DLGAP2: variants seen among roughly 807,000 people sequenced by gnomAD.
The protein encoded by DLGAP2 is DLG associated protein 2.
A neutral mutation model predicts 100.3 loss-of-function variants in DLGAP2; 26 were observed. That is an observed-to-expected ratio of 0.26 (90% confidence interval 0.19 to 0.36). The LOEUF is 0.36. Among genes scored for constraint, DLGAP2 ranks in the 10% least tolerant of loss-of-function variants. The pLI is 1.00. For synonymous variants in DLGAP2, 886 were observed against 630.1 expected (o/e 1.41, Z -6.08); for missense variants, 1,858 against 1,453.2 (o/e 1.28, Z -4.53).
intron 2 of DLGAP2, among the ~76,000 whole-genome samples, chr8:1,111,130 C>A (rs999335207): frequency 6.6e-6 from 1 of 152,202 alleles, no homozygotes; most frequent in Admixed American, 6.5e-5. Flanking sequence ...CCCAGAACAT[C>A]ACTGATGGCA....
chr8:1,500,869 A>G (rs1207625324), intron 3 of DLGAP2, among the ~76,000 whole-genome samples: 1 of 152,252 alleles, frequency 6.6e-6, no homozygotes, highest in African/African-American at 2.4e-5. Flanking sequence ...AACTAATATT[A>G]AGCACTAAGA....
intron 6 of DLGAP2, chr8:1,604,774 ATATT>A (rs1335647157): frequency 6.6e-6 from 1 of 152,212 alleles, no homozygotes; most frequent in Non-Finnish European, 1.5e-5. Flanking sequence ...ACAGTCAAAA[ATATT>A]TATAAAGAAA....
At chr8:1,095,466 C>T (rs1239212198) in intron 2 of DLGAP2, among the ~76,000 whole-genome samples, 6 of 152,154 alleles carry the variant, frequency 3.9e-5, no homozygotes, top group African/African-American at 1.4e-4. Flanking sequence ...TGGCGGTGAG[C>T]ACAGGGGTTT....
At chr8:963,962 C>T (rs1157373299) in intron 2 of DLGAP2, among the ~76,000 whole-genome samples, 1 of 152,126 alleles carries the variant, frequency 6.6e-6, no homozygotes, top group East Asian at 1.9e-4. Flanking sequence ...CTAGAGATCA[C>T]TTATTAAAAT....
chr8:833,050 C>T (rs1350509100), intron 1 of DLGAP2, among the ~76,000 whole-genome samples: 1 of 152,234 alleles, frequency 6.6e-6, no homozygotes, highest in Non-Finnish European at 1.5e-5. Flanking sequence ...ACAAGCACTA[C>T]ATCCTCCCAT....
At chr8:1,107,594 A>G (rs895763641) in intron 2 of DLGAP2, among the ~76,000 whole-genome samples, 2 of 152,228 alleles carry the variant, frequency 1.3e-5, no homozygotes. Context: ...GAGGCAGCTG[A>G]CTATCGAGAA....
chr8:1,343,382 C>G (rs556965951), intron 3 of DLGAP2, among the ~76,000 whole-genome samples: 7 of 152,168 alleles, frequency 4.6e-5, no homozygotes, highest in African/African-American at 7.2e-5. Flanking sequence ...CCGGAGTTGC[C>G]CACGAGCCTG....
At chr8:920,463 T>C (rs1798684615) in intron 2 of DLGAP2, among the ~76,000 whole-genome samples, 1 of 152,216 alleles carries the variant, frequency 6.6e-6, no homozygotes. Context: ...TAAGCAAATC[T>C]AAAAACAATT....
chr8:762,918 TC>T (rs757181559), intron 1 of DLGAP2, among the ~76,000 whole-genome samples: 1 of 152,150 alleles, frequency 6.6e-6, no homozygotes, highest in Non-Finnish European at 1.5e-5. Flanking sequence ...GCTCAAGCAG[TC>T]ACTCACCTCG....
chr8:1,005,437 C>G (rs1244256682), intron 2 of DLGAP2, among the ~76,000 whole-genome samples: 2 of 126,850 alleles, frequency 1.6e-5, no homozygotes, highest in African/African-American at 3.0e-5. Flanking sequence ...GAGATGGGGT[C>G]TTGCTCTGTC....
Position 1,701,527 on chromosome 8 carries a change from C to A in DLGAP2, c.*121C>A. On this transcript the variant is annotated 3_prime_UTR_variant, in exon 15 of 15. Transcript: ENST00000637795. Reference sequence around the variant, plus strand: ...TGAACACGTCCTCGCTCCCGCGCTCCCCGCGCCCCGGACACAGCGGGACGC... The same window carrying A: ...TGAACACGTCCTCGCTCCCGCGCTCACCGCGCCCCGGACACAGCGGGACGC... The A allele has an allele frequency of 9.0e-7, 1 of 1,115,486 alleles. No individual in the cohort carries two copies. The highest frequency in any genetic ancestry group is 1.2e-6 in the Non-Finnish European group (1 of 806,862). 69.1% of individuals were successfully genotyped at this position (1,115,486 alleles called of 1,614,324 possible).
At chr8:1,032,763 G>A (rs993902588) in intron 2 of DLGAP2, 1 of 152,222 alleles carries the variant, frequency 6.6e-6, no homozygotes, top group Non-Finnish European at 1.5e-5. Flanking sequence ...GAAATGAGAT[G>A]TGTTCCTGTG....
chr8:1,223,413 G>A (rs1012021585), intron 2 of DLGAP2, among the ~76,000 whole-genome samples: 1 of 152,194 alleles, frequency 6.6e-6, no homozygotes, highest in South Asian at 2.1e-4. Context: ...AGTGACTACT[G>A]TTCAGGGTGG....
chr8:1,258,113 T>C (rs1799267648), intron 2 of DLGAP2, among the ~76,000 whole-genome samples: 2 of 152,186 alleles, frequency 1.3e-5, no homozygotes, highest in African/African-American at 4.8e-5. Context: ...GGGACCTACA[T>C]ACAGGGGACT....
intron 7 of DLGAP2, among the ~76,000 whole-genome samples, chr8:1,631,994 C>T (rs1391682751): frequency 4.0e-5 from 6 of 151,738 alleles, no homozygotes; most frequent in African/African-American, 1.5e-4. Context: ...CCAGGGGGTT[C>T]AGAAAGCTGT....
chr8:1,528,890 TC>T (rs34917131), intron 4 of DLGAP2, among the ~76,000 whole-genome samples: 22,573 of 152,228 alleles, frequency 0.15, 1,788 homozygotes, highest in Non-Finnish European at 0.16. Flanking sequence ...ATAGTGATGC[TC>T]AGGAAACAGT....
intron 2 of DLGAP2, among the ~76,000 whole-genome samples, chr8:1,047,321 T>G (rs1802543939): frequency 6.6e-6 from 1 of 152,250 alleles, no homozygotes; most frequent in South Asian, 2.1e-4. Context: ...TGAGTATCTC[T>G]TATCCCAAAG....
chr8:1,655,258 G>C (rs752246663), intron 8 of DLGAP2, among the ~76,000 whole-genome samples: 1 of 152,188 alleles, frequency 6.6e-6, no homozygotes, highest in African/African-American at 2.4e-5. Flanking sequence ...TAATTAAAGT[G>C]TCAAAATGGC....
At chr8:932,451 G>C (rs1352563249) in intron 2 of DLGAP2, among the ~76,000 whole-genome samples, 1 of 152,214 alleles carries the variant, frequency 6.6e-6, no homozygotes, top group Admixed American at 6.5e-5. Flanking sequence ...CAAGTGCAAC[G>C]TGTGGTTTTG....
Sources: gnomAD v4.1 joint callset for allele counts (sites outside exome capture counted in the v4.1 genomes callset) on GRCh38, gnomAD v4.1.1 for gene constraint, MANE v1.5 for transcripts, NCBI Gene and HGNC (gene_info 2026-07-23, HGNC 2026-07-21) for gene names.